SORT1: variants seen among roughly 807,000 people sequenced by gnomAD.
The protein encoded by SORT1 is sortilin 1.
Under a neutral mutation model 101.7 loss-of-function variants are expected in SORT1, and 39 were observed. That is an observed-to-expected ratio of 0.38 (90% CI 0.30 to 0.50). The LOEUF (loss-of-function observed/expected upper bound fraction) is 0.50. Ranked by LOEUF, SORT1 falls within the 20% of genes least tolerant of loss-of-function variation. The probability of loss-of-function intolerance (pLI) is 0.90; values close to 1 mark genes in which losing one functional copy is unlikely to be tolerated. For synonymous variants in SORT1, 396 were observed against 393.7 expected, an observed-to-expected ratio of 1.01 and a Z score of -0.07; for missense variants, 878 against 1,040.4, an observed-to-expected ratio of 0.84 and a Z score of 2.15.
intron 3 of SORT1, among the ~76,000 whole-genome samples, chr1:109,356,942 G>A (rs1193126991): frequency 2.0e-5 from 3 of 152,188 alleles, no homozygotes; most frequent in African/African-American, 7.2e-5. Context: ...GCTGTGCACT[G>A]CAAATTTCTG....
intron 1 of SORT1, among the ~76,000 whole-genome samples, chr1:109,382,834 A>T (rs1254704349): frequency 1.3e-5 from 2 of 152,180 alleles, no homozygotes; most frequent in African/African-American, 4.8e-5. Context: ...TCCACCTTGA[A>T]AACGGATGAT....
intron 3 of SORT1, among the ~76,000 whole-genome samples, chr1:109,364,016 G>A (rs964771565): frequency 6.6e-6 from 1 of 152,176 alleles, no homozygotes; most frequent in African/African-American, 2.4e-5. Flanking sequence ...TGGGTACAGA[G>A]TCAGTTTCCA....
intron 1 of SORT1, among the ~76,000 whole-genome samples, chr1:109,371,178 C>T (rs770296610): frequency 6.6e-6 from 1 of 152,228 alleles, no homozygotes; most frequent in Non-Finnish European, 1.5e-5. Context: ...TTCTCACAGC[C>T]TCTGCAGGAA....
intron 1 of SORT1, among the ~76,000 whole-genome samples, chr1:109,387,396 G>A (rs1652632377): frequency 6.6e-6 from 1 of 152,172 alleles, no homozygotes; most frequent in African/African-American, 2.4e-5. Flanking sequence ...CAGAGGCTGA[G>A]GCAGGAGGAT....
chr1:109,359,790 G>A (rs1397472384), intron 3 of SORT1, among the ~76,000 whole-genome samples: 16 of 152,060 alleles, frequency 1.1e-4, no homozygotes, highest in Admixed American at 9.2e-4. Context: ...ATGAGTTACC[G>A]CATCTGGCCT....
At chr1:109,319,682 A>G (rs1021009413) in intron 15 of SORT1, among the ~76,000 whole-genome samples, 2 of 152,086 alleles carry the variant, frequency 1.3e-5, no homozygotes, top group Non-Finnish European at 2.9e-5. Context: ...CCTGGCCAAC[A>G]TGGTGAAACC....
intron 6 of SORT1, among the ~76,000 whole-genome samples, chr1:109,350,659 A>G (rs1425388977): frequency 6.6e-6 from 1 of 152,200 alleles, no homozygotes; most frequent in East Asian, 1.9e-4. Context: ...TTCATGGAGA[A>G]TGAACCCTGG....
intron 6 of SORT1, among the ~76,000 whole-genome samples, chr1:109,350,718 T>C (rs536756917): frequency 4.6e-5 from 7 of 152,350 alleles, no homozygotes; most frequent in Middle Eastern, 3.4e-3. Flanking sequence ...CTTTATGTTC[T>C]AACATTTAAG....
chr1:109,363,131 C>T (rs1245030212), intron 3 of SORT1, among the ~76,000 whole-genome samples: 7 of 152,168 alleles, frequency 4.6e-5, no homozygotes, highest in Admixed American at 4.6e-4. Context: ...AATAGCCCAG[C>T]AGTCTTTGTG....
intron 1 of SORT1, among the ~76,000 whole-genome samples, chr1:109,381,439 A>G (rs1215838045): frequency 6.6e-6 from 1 of 152,168 alleles, no homozygotes; most frequent in Non-Finnish European, 1.5e-5. Context: ...AAAAGAAGAA[A>G]CGTTTAAAAA....
chr1:109,360,131 CT>C (rs1228358575), intron 3 of SORT1, among the ~76,000 whole-genome samples: 1 of 152,122 alleles, frequency 6.6e-6, no homozygotes. Context: ...ATCCTCCCAC[CT>C]CGGCCTCCCA....
chr1:109,349,590 A>AC (rs1649828536), intron 6 of SORT1, among the ~76,000 whole-genome samples: 1 of 151,594 alleles, frequency 6.6e-6, no homozygotes, highest in South Asian at 2.1e-4. Context: ...ACATAGTGAG[A>AC]CCCCCTATCT....
At chr1:109,390,767 GTGTA>G (rs1314260792) in intron 1 of SORT1, among the ~76,000 whole-genome samples, 8 of 141,954 alleles carry the variant, frequency 5.6e-5, no homozygotes, top group African/African-American at 2.0e-4. Context: ...GTGTGTGTGT[GTGTA>G]TGTGTGTGTG....
At chr1:109,320,152 T>C (rs1048458029) in intron 15 of SORT1, among the ~76,000 whole-genome samples, 2 of 152,152 alleles carry the variant, frequency 1.3e-5, no homozygotes, top group African/African-American at 4.8e-5. Flanking sequence ...ATTCTCTTAC[T>C]TTTTCTCTAT....
intron 3 of SORT1, among the ~76,000 whole-genome samples, chr1:109,365,292 T>C (rs1354789338): frequency 1.3e-5 from 2 of 152,180 alleles, no homozygotes; most frequent in African/African-American, 2.4e-5. Context: ...GATGTGATCA[T>C]AGCTACTGCA....
rs1177200280 is a variant in SORT1, at chr1:109,311,328, TA to T, written c.*2714del. 1 of 152,272 alleles carries T rather than the reference TA, an allele frequency of 6.6e-6. No individual in the cohort carries two copies. Among genetic ancestry groups the T allele is most frequent in the Non-Finnish European group, 1.5e-5 (1 of 68,046 alleles). 9.4% of individuals were successfully genotyped at this position (152,272 alleles called of 1,614,324 possible). On this transcript the variant is annotated 3_prime_UTR_variant, in exon 20 of 20. Coordinates refer to ENST00000256637, the MANE Select transcript of SORT1 (RefSeq NM_002959.7). ...TTCTGCTACATCAAGCCTGGGAGTT[TA>T]CACAATGATACACTATGTTTTACCT...
At chr1:109,314,226 G>C (rs12077741) in intron 19 of SORT1, 35 bp downstream of exon 19, 16 of 1,483,378 alleles carry the variant, frequency 1.1e-5, no homozygotes, top group South Asian at 2.3e-5. Flanking sequence ...TTTTTGGGGG[G>C]GGGGGTACTA....
At chr1:109,378,293 T>C (rs1337332651) in intron 1 of SORT1, among the ~76,000 whole-genome samples, 3 of 151,650 alleles carry the variant, frequency 2.0e-5, no homozygotes, top group Middle Eastern at 6.8e-3. Flanking sequence ...AAAGTTAAGG[T>C]TGAAATAGAA....
intron 2 of SORT1, among the ~76,000 whole-genome samples, chr1:109,368,966 C>T (rs1651283645): frequency 6.6e-6 from 1 of 152,200 alleles, no homozygotes. Flanking sequence ...CATCTTGATG[C>T]TAAGCAGCCA....
Sources: allele counts gnomAD v4.1 joint callset (sites outside exome capture counted in the v4.1 genomes callset), GRCh38; gene constraint gnomAD v4.1.1; transcripts MANE v1.5; gene names NCBI Gene and HGNC (gene_info 2026-07-23, HGNC 2026-07-21).